Variants in AKIRIN2 observed in about 807,000 individuals in gnomAD.
The protein encoded by AKIRIN2 is akirin 2.
In AKIRIN2, 6 loss-of-function variants were observed where a neutral mutation model predicts 29.3. The observed-to-expected ratio is 0.20, with a 90% CI of 0.11 to 0.40. AKIRIN2 has a LOEUF of 0.40. AKIRIN2 is among the 10% of genes least tolerant of loss of function. The probability of loss-of-function intolerance (pLI) is 1.00; values close to 1 mark genes in which losing one functional copy is unlikely to be tolerated. For synonymous variants in AKIRIN2, 128 were observed against 117.5 expected (o/e 1.09, Z -0.58); for missense variants, 210 against 276.1 (o/e 0.76, Z 1.70).
At chr6:87,697,307 GAA>G (rs985898940) in intron 1 of AKIRIN2, among the ~76,000 whole-genome samples, 5 of 71,588 alleles carry the variant, frequency 7.0e-5, no homozygotes, top group Non-Finnish European at 6.4e-5. Context: ...TTTGTCTCAA[GAA>G]AAAAAAAAAA....
intron 1 of AKIRIN2, among the ~76,000 whole-genome samples, chr6:87,686,453 C>A (rs1746798630): frequency 6.6e-6 from 1 of 151,766 alleles, no homozygotes; most frequent in Admixed American, 6.6e-5. Flanking sequence ...TAAGGAGAAC[C>A]ACAAAGGAAG....
intron 1 of AKIRIN2, among the ~76,000 whole-genome samples, chr6:87,685,425 A>C (rs536028383): frequency 7.9e-5 from 12 of 152,354 alleles, no homozygotes; most frequent in Middle Eastern, 6.8e-3. Flanking sequence ...TCAGTCAAGT[A>C]CTTGCCTACT....
chr6:87,694,244 G>A (rs1303632195), intron 1 of AKIRIN2, among the ~76,000 whole-genome samples: 1 of 152,026 alleles, frequency 6.6e-6, no homozygotes, highest in Non-Finnish European at 1.5e-5. Flanking sequence ...CAGAAACTTA[G>A]TAAACAAGCC....
intron 2 of AKIRIN2, among the ~76,000 whole-genome samples, chr6:87,678,562 T>C (rs763941410): frequency 2.0e-5 from 3 of 152,014 alleles, no homozygotes; most frequent in Non-Finnish European, 4.4e-5. Flanking sequence ...ACTTAAACAT[T>C]ACAATGATGG....
Position 87,689,561 on chromosome 6 carries a change from T to A in AKIRIN2, c.236-7798A>T, listed in dbSNP as rs1041201608. ...CTCAGCCCCATGGACATGATTTTTT[T>A]AAAAACATGTTAATTTGTGGCCATT... On this transcript the variant is annotated intron_variant, in intron 1 of 4. Transcript: ENST00000257787. Among the ~76,000 whole-genome samples, 6 of 152,214 alleles carry A rather than the reference T, an allele frequency of 3.9e-5. 1 individual carries two copies. Among genetic ancestry groups the A allele is most frequent in the African/African-American group, 7.2e-5 (3 of 41,458 alleles).
At chr6:87,677,504 T>C (rs544369636) in intron 3 of AKIRIN2, among the ~76,000 whole-genome samples, 3 of 152,282 alleles carry the variant, frequency 2.0e-5, no homozygotes, top group Non-Finnish European at 2.9e-5. Context: ...AATGTCTACA[T>C]TGATGGTAAC....
intron 1 of AKIRIN2, among the ~76,000 whole-genome samples, chr6:87,694,519 G>C (rs1019959493): frequency 6.6e-6 from 1 of 152,074 alleles, no homozygotes; most frequent in Admixed American, 6.6e-5. Flanking sequence ...ATAAGGGTTC[G>C]AACAAGTGAC....
Position 87,701,756 on chromosome 6 carries a change from G to A in AKIRIN2, c.-72C>T, listed in dbSNP as rs952418260. The A allele has an allele frequency of 1.1e-5, 12 of 1,140,162 alleles. No individual in the cohort carries two copies. The Middle Eastern group carries it at 6.6e-4, about 62-fold the overall frequency. 70.6% of individuals were successfully genotyped at this position (1,140,162 alleles called of 1,614,324 possible). On this transcript the variant is annotated 5_prime_UTR_variant, in exon 1 of 5. Coordinates refer to ENST00000257787, the MANE Select transcript of AKIRIN2 (RefSeq NM_018064.4). ...GTGACGAAAGAAGAGGGTGAGGGAAGGGGTGAAGAGCGGGAACTCGAGGAG... is the reference window on the plus strand; with the variant it reads ...GTGACGAAAGAAGAGGGTGAGGGAAAGGGTGAAGAGCGGGAACTCGAGGAG...
intron 1 of AKIRIN2, among the ~76,000 whole-genome samples, chr6:87,686,317 T>C (rs1771184644): frequency 6.6e-6 from 1 of 152,014 alleles, no homozygotes; most frequent in Non-Finnish European, 1.5e-5. Flanking sequence ...AGGTCAACAA[T>C]ATAAACAGGA....
At chr6:87,686,702 C>T (rs1771193450) in intron 1 of AKIRIN2, among the ~76,000 whole-genome samples, 1 of 151,898 alleles carries the variant, frequency 6.6e-6, no homozygotes, top group Non-Finnish European at 1.5e-5. Flanking sequence ...CTTTGGAAAA[C>T]ACAAAATGAA....
At chr6:87,699,309 G>A (rs1209649784) in intron 1 of AKIRIN2, among the ~76,000 whole-genome samples, 3 of 152,062 alleles carry the variant, frequency 2.0e-5, no homozygotes, top group African/African-American at 7.2e-5. Flanking sequence ...CCCCAAATTG[G>A]CCATATAAAC....
chr6:87,680,613 G>A (rs1342210178), intron 2 of AKIRIN2, among the ~76,000 whole-genome samples: 3 of 151,940 alleles, frequency 2.0e-5, no homozygotes, highest in Non-Finnish European at 4.4e-5. Flanking sequence ...CCTTGCTAGG[G>A]GGAGGAGAGA....
chr6:87,695,454 G>A (rs1291993256), intron 1 of AKIRIN2, among the ~76,000 whole-genome samples: 2 of 152,180 alleles, frequency 1.3e-5, no homozygotes, highest in African/African-American at 4.8e-5. Context: ...TAAGATGCCT[G>A]ATAGTTTTGT....
intron 1 of AKIRIN2, among the ~76,000 whole-genome samples, chr6:87,685,974 G>C (rs1357831214): frequency 6.6e-6 from 1 of 152,128 alleles, no homozygotes; most frequent in Non-Finnish European, 1.5e-5. Context: ...CAGCACTTTG[G>C]GAGGGTGAGG....
chr6:87,695,008 T>C (rs1266281689), intron 1 of AKIRIN2, among the ~76,000 whole-genome samples: 1 of 152,194 alleles, frequency 6.6e-6, no homozygotes, highest in Non-Finnish European at 1.5e-5. Flanking sequence ...GTGAGAAACT[T>C]GCTATAACAA....
chr6:87,680,877 T>C (rs1203638973), intron 2 of AKIRIN2, among the ~76,000 whole-genome samples: 1 of 150,454 alleles, frequency 6.6e-6, no homozygotes, highest in Non-Finnish European at 1.5e-5. Flanking sequence ...AATCCACCTT[T>C]AGAAATCTAG....
intron 1 of AKIRIN2, 145 bp downstream of exon 1, chr6:87,701,305 G>C (rs1005790914): frequency 5.5e-6 from 4 of 727,434 alleles, no homozygotes; most frequent in South Asian, 2.2e-5. Flanking sequence ...CGAGGACCTA[G>C]TGAAAAACGT....
chr6:87,698,816 T>C (rs1007633427), intron 1 of AKIRIN2, among the ~76,000 whole-genome samples: 7 of 152,194 alleles, frequency 4.6e-5, no homozygotes, highest in Admixed American at 4.6e-4. Context: ...TCAAACTTCC[T>C]GGGATGACTA....
At chr6:87,686,425 A>G (rs1771189972) in intron 1 of AKIRIN2, among the ~76,000 whole-genome samples, 1 of 152,104 alleles carries the variant, frequency 6.6e-6, no homozygotes, top group African/African-American at 2.4e-5. Flanking sequence ...TGGAATTAGA[A>G]GCAACTAAAA....
Sources: gnomAD v4.1 joint callset for allele counts (sites outside exome capture counted in the v4.1 genomes callset) on GRCh38, gnomAD v4.1.1 for gene constraint, MANE v1.5 for transcripts, NCBI Gene and HGNC (gene_info 2026-07-23, HGNC 2026-07-21) for gene names.